SERAC1: variants seen among roughly 807,000 people sequenced by gnomAD.
SERAC1 encodes serine active site containing 1.
In SERAC1, 36 loss-of-function variants were observed where a neutral mutation model predicts 85.7. The ratio of observed to expected loss-of-function variants is 0.42; its 90% CI spans 0.32 to 0.55. SERAC1 has a LOEUF of 0.55. Among genes scored for constraint, SERAC1 ranks in the 20% least tolerant of loss-of-function variants. The probability of loss-of-function intolerance (pLI) is 0.11; values close to 1 mark genes in which losing one functional copy is unlikely to be tolerated. For missense variants in SERAC1, 629 were observed against 796.2 expected (o/e 0.79, Z 2.53); for synonymous variants, 242 against 265.3 (o/e 0.91, Z 0.85).
At chr6:158,126,442 T>A (rs1042165588) in intron 10 of SERAC1, among the ~76,000 whole-genome samples, 1 of 152,018 alleles carries the variant, frequency 6.6e-6, no homozygotes, top group African/African-American at 2.4e-5. Flanking sequence ...TTATAAACTT[T>A]TAAAAATAGG....
intron 15 of SERAC1, among the ~76,000 whole-genome samples, chr6:158,113,992 G>A (rs1357063162): frequency 6.6e-6 from 1 of 152,040 alleles, no homozygotes; most frequent in Admixed American, 6.5e-5. Flanking sequence ...ATATGAAAGA[G>A]CAACCAAGAG....
rs528609360 is a variant in SERAC1 at position 158,115,085 on chromosome 6, A to T, written c.1502-114T>A. ...CATAAAAAGAGATGCTTTCTTTTTAAAAAAAATGGTTTAAACAATTCTCTG... is the reference window on the plus strand; with the variant it reads ...CATAAAAAGAGATGCTTTCTTTTTATAAAAAATGGTTTAAACAATTCTCTG... On this transcript the variant is annotated intron_variant, in intron 14 of 16. Coordinates refer to ENST00000647468, the MANE Select transcript of SERAC1 (RefSeq NM_032861.4). 103 of 1,143,542 alleles carry T rather than the reference A, an allele frequency of 9.0e-5. No homozygotes were observed. The South Asian group carries it at 1.4e-3, about 16-fold the overall frequency. 70.8% of individuals were successfully genotyped at this position (1,143,542 alleles called of 1,614,324 possible). A position where few individuals can be genotyped will look rare whatever the true frequency, so the allele number is the denominator to read the frequency against.
chr6:158,130,494 TAAAATA>T lies in SERAC1; in HGVS notation c.739-14_739-9del. 6.7e-7 allele frequency: 1 copy of T among 1,490,964 alleles called. No individual in the cohort carries two copies. Among genetic ancestry groups the T allele is most frequent in the South Asian group, 1.3e-5 (1 of 78,894 alleles). 92.4% of individuals were successfully genotyped at this position (1,490,964 alleles called of 1,614,324 possible). A position where few individuals can be genotyped will look rare whatever the true frequency, so the allele number is the denominator to read the frequency against. On this transcript the variant is annotated splice_polypyrimidine_tract_variant and intron_variant, in intron 8 of 16. Transcript: ENST00000647468. ...AAAACACCATAAACCACCCTGAAAT[TAAAATA>T]ATTAAAATTTTTACTGAAAAAAAGT...
chr6:158,128,223 T>C lies in SERAC1; in HGVS notation c.900A>G (p.Leu300=), dbSNP rs1583573313. The C allele has an allele frequency of 2.5e-6, 4 of 1,614,204 alleles. No individual in the cohort carries two copies. Among genetic ancestry groups the C allele is most frequent in the Non-Finnish European group, 3.4e-6 (4 of 1,180,016 alleles). The change falls in exon 10 of 17, where the codon CTA becomes CTG. Residue 300 remains leucine, a synonymous_variant. Transcript: ENST00000647468. The stretch of plus-strand genomic sequence containing the variant: ...TGTGAAGTCGGTACAGCCTCTGAAG[T>C]AGCTGCAGGCCTCCATTTGCTTCGA... ...DKIEANGGLQ[L]LQRLYRLHKD...
At position 158,120,740 on chromosome 6, in the gene SERAC1, G is replaced by A. The variant is rs909326592; in HGVS notation, c.1016-165C>T. On this transcript the variant is annotated intron_variant, in intron 10 of 16. Coordinates refer to ENST00000647468, the MANE Select transcript of SERAC1 (RefSeq NM_032861.4). This position sits in a 1 kb window ranked among gnomAD's most constrained non-coding sequence, Gnocchi z 4.4. ...ACCCCATTCTGCCCTACGATCCTCTGAGACCTGTGGCACAATACCATCCAC... is the reference window on the plus strand; with the variant it reads ...ACCCCATTCTGCCCTACGATCCTCTAAGACCTGTGGCACAATACCATCCAC... Among the ~76,000 whole-genome samples, 1 of 152,114 alleles carries A rather than the reference G, an allele frequency of 6.6e-6. No homozygotes were observed. Among genetic ancestry groups the A allele is most frequent in the Non-Finnish European group, 1.5e-5 (1 of 68,034 alleles).
chr6:158,143,325 CTCTCTCTCTCTCTCTCTCTCTCTATATA>C (rs1201196827), intron 7 of SERAC1, 141 bp from the exon 8 acceptor site: 40 of 204,338 alleles, frequency 2.0e-4, no homozygotes, highest in Middle Eastern at 1.2e-3. Flanking sequence ...CTCTCTCTCT[CTCTCTCTCTCTCTCTCTCTCTCTATATA>C]TATATATATA....
Position 158,120,465 on chromosome 6 carries a change from G to A in SERAC1, c.1126C>T (p.Gln376Ter), listed in dbSNP as rs199632531. The A allele has an allele frequency of 4.3e-6, 7 of 1,613,802 alleles. No homozygotes were observed. Among genetic ancestry groups the A allele is most frequent in the Non-Finnish European group, 5.1e-6 (6 of 1,179,938 alleles). ...GGATGCAGCACATATACGCCATCCT[G>A]ATATTTTTCTTGCACAGTTTCTCGG... is the stretch of plus-strand genomic sequence containing the variant. ...LDRETVQEKYQDGVYVLHPQY... is the reference protein window; with the variant it reads ...LDRETVQEKY Residue 376 changes from glutamine to a stop codon, truncating the protein, a stop_gained, in exon 11 of 17, where the codon CAG becomes TAG. Transcript: ENST00000647468. LOFTEE classifies it high-confidence loss of function. This position sits in a 1 kb window ranked among gnomAD's most constrained non-coding sequence, Gnocchi z 4.4.
intron 2 of SERAC1, among the ~76,000 whole-genome samples, chr6:158,157,085 C>T (rs193139514): frequency 1.3e-5 from 2 of 151,056 alleles, no homozygotes; most frequent in East Asian, 3.9e-4. Context: ...CAATCTCCAC[C>T]TCCTGGGTTG....
intron 2 of SERAC1, 107 bp from the exon 3 acceptor site, chr6:158,155,458 GTTA>G (rs922420553): frequency 2.7e-5 from 17 of 632,832 alleles, no homozygotes; most frequent in African/African-American, 3.7e-5. Flanking sequence ...CAGATAAGAA[GTTA>G]TTATTTTTCT....
chr6:158,156,012 G>A (rs951514644), intron 2 of SERAC1, among the ~76,000 whole-genome samples: 2 of 152,076 alleles, frequency 1.3e-5, no homozygotes, highest in Non-Finnish European at 2.9e-5. Context: ...ATCCAGGCAT[G>A]GTGGCGCATG....
rs1238736896 is a variant in SERAC1 at position 158,116,256 on chromosome 6, T to G, written c.1430A>C (p.Glu477Ala). Residue 477 changes from glutamate to alanine, a missense_variant, in exon 14 of 17, where the codon GAA becomes GCA. Physicochemically the swap from Glu to Ala is moderately radical, Grantham distance 107. Coordinates refer to ENST00000647468, the MANE Select transcript of SERAC1 (RefSeq NM_032861.4). ...ERKSIAFRSN[E>A]LLRKLRAAGV... Reference sequence around the variant, plus strand: ...AGCAGCTCTGAGCTTCCTAAGAAGTTCGTTGCTTCTGAATGCAATGGACTT... The same window carrying G: ...AGCAGCTCTGAGCTTCCTAAGAAGTGCGTTGCTTCTGAATGCAATGGACTT... 2 of 1,614,124 alleles carry G rather than the reference T, an allele frequency of 1.2e-6. No homozygotes were observed. Among genetic ancestry groups the G allele is most frequent in the East Asian group, 4.5e-5 (2 of 44,880 alleles).
At chr6:158,116,356 TA>T in intron 13 of SERAC1, 74 bp from the exon 14 acceptor site, 2 of 1,197,218 alleles carry the variant, frequency 1.7e-6, no homozygotes, top group Admixed American at 3.5e-5. Context: ...TTTTTAGAGT[TA>T]AGAACTTTAG....
intron 8 of SERAC1, among the ~76,000 whole-genome samples, chr6:158,142,603 A>T (rs1347536478): frequency 4.6e-5 from 7 of 151,560 alleles, no homozygotes; most frequent in Non-Finnish European, 4.4e-5. Context: ...CAGCCTCCCG[A>T]GTAGCTGGGA....
chr6:158,144,271 AAATT>A (rs1255741796), intron 7 of SERAC1, 24 bp downstream of exon 7: 1 of 1,569,810 alleles, frequency 6.4e-7, no homozygotes, highest in Non-Finnish European at 8.7e-7. Flanking sequence ...TTCACTCTCT[AAATT>A]ACTATTATTA....
chr6:158,129,696 GTTTTGTTTTTTTTTT>G (rs1784625835), intron 9 of SERAC1, among the ~76,000 whole-genome samples: 1 of 130,308 alleles, frequency 7.7e-6, no homozygotes, highest in East Asian at 2.3e-4. Flanking sequence ...GTTTTTTTTT[GTTTTGTTTTTTTTTT>G]TTTGAGATGG....
intron 1 of SERAC1, among the ~76,000 whole-genome samples, chr6:158,163,689 T>A (rs1327689398): frequency 6.6e-6 from 1 of 152,216 alleles, no homozygotes; most frequent in Non-Finnish European, 1.5e-5. Context: ...TATTTATCTA[T>A]CCTTATATAA....
intron 4 of SERAC1, among the ~76,000 whole-genome samples, chr6:158,149,581 T>C (rs1300603602): frequency 6.6e-6 from 1 of 152,240 alleles, no homozygotes; most frequent in Non-Finnish European, 1.5e-5. Context: ...TCCCTCATGA[T>C]GAGCTCGCCT....
At chr6:158,113,266 C>T (rs1784189739) in intron 16 of SERAC1, 183 bp downstream of exon 16, 2 of 550,528 alleles carry the variant, frequency 3.6e-6, no homozygotes, top group African/African-American at 1.9e-5. Context: ...AGAGGTAATA[C>T]CCGGGTTATA....
At chr6:158,116,373 A>T in intron 13 of SERAC1, 91 bp from the exon 14 acceptor site, 1 of 905,836 alleles carries the variant, frequency 1.1e-6, no homozygotes. Context: ...TTTAGTCTAC[A>T]GGACCAATGC....
Sources: gnomAD v4.1 joint callset for allele counts (sites outside exome capture counted in the v4.1 genomes callset) on GRCh38, gnomAD v4.1.1 for gene constraint, Gnocchi (gnomAD v3.1) non-coding constraint, MANE v1.5 for transcripts, NCBI Gene and HGNC (gene_info 2026-07-23, HGNC 2026-07-21) for gene names.